Variants in KCNMA1 observed in about 807,000 individuals in gnomAD.
KCNMA1 encodes Calcium-activated potassium channel subunit alpha-1.
KCNMA1 carries 29 observed loss-of-function variants against 140.0 expected under a neutral mutation model. The ratio of observed to expected loss-of-function variants is 0.21; its 90% CI spans 0.15 to 0.28. The LOEUF (loss-of-function observed/expected upper bound fraction) is 0.28, where lower values mean the gene tolerates loss of function less well. Among genes scored for constraint, KCNMA1 ranks in the 10% least tolerant of loss-of-function variants. The pLI is 1.00. For missense variants in KCNMA1, 880 were observed against 1,602.2 expected, an observed-to-expected ratio of 0.55 and a Z score of 7.70; for synonymous variants, 612 against 611.9, an observed-to-expected ratio of 1.00 and a Z score of 0.00.
intron 23 of KCNMA1, among the ~76,000 whole-genome samples, chr10:76,943,652 C>G (rs763092956): frequency 2.6e-5 from 4 of 152,206 alleles, no homozygotes; most frequent in African/African-American, 4.8e-5. Flanking sequence ...CCATCTCCCA[C>G]CAGCTGACTC....
chr10:77,127,980 ATTAAAAAT>A (rs966310018), intron 5 of KCNMA1, among the ~76,000 whole-genome samples: 1 of 152,146 alleles, frequency 6.6e-6, no homozygotes, highest in African/African-American at 2.4e-5. Context: ...TCTCAAAAAA[ATTAAAAAT>A]TTAAAAATTA....
intron 2 of KCNMA1, among the ~76,000 whole-genome samples, chr10:77,258,330 T>C (rs2061248144): frequency 6.6e-6 from 1 of 152,158 alleles, no homozygotes; most frequent in African/African-American, 2.4e-5. Context: ...GATTCATAGT[T>C]TGTGTTTCCA....
At chr10:77,598,879 C>G (rs1323599771) in intron 1 of KCNMA1, among the ~76,000 whole-genome samples, 1 of 152,240 alleles carries the variant, frequency 6.6e-6, no homozygotes, top group Non-Finnish European at 1.5e-5. Flanking sequence ...CCCAGCTCAG[C>G]TGGTACTAGA....
chr10:77,557,806 T>C (rs924307832), intron 1 of KCNMA1, among the ~76,000 whole-genome samples: 1 of 152,040 alleles, frequency 6.6e-6, no homozygotes, highest in Non-Finnish European at 1.5e-5. Context: ...CCCGCCACCA[T>C]ACCTGGCTAA....
chr10:77,012,118 G>T (rs997391724), intron 17 of KCNMA1, 75 bp from the exon 18 acceptor site: 6 of 1,608,886 alleles, frequency 3.7e-6, no homozygotes, highest in Non-Finnish European at 5.1e-6. Flanking sequence ...TTTCCTCCAC[G>T]GTGGTGCCAA....
chr10:77,506,504 AAGAG>A (rs1386720791), intron 1 of KCNMA1, among the ~76,000 whole-genome samples: 1 of 150,086 alleles, frequency 6.7e-6, no homozygotes, highest in African/African-American at 2.5e-5. Flanking sequence ...CAGAGAGAGA[AAGAG>A]AGAGAGAGAG....
At chr10:77,165,625 C>T (rs536984313) in intron 5 of KCNMA1, among the ~76,000 whole-genome samples, 8 of 152,158 alleles carry the variant, frequency 5.3e-5, no homozygotes, top group Non-Finnish European at 1.2e-4. Context: ...GGGCTGACTT[C>T]CTCCTCTTAA....
intron 1 of KCNMA1, among the ~76,000 whole-genome samples, chr10:77,570,581 C>G (rs1459272468): frequency 3.2e-5 from 1 of 30,934 alleles, no homozygotes; most frequent in Non-Finnish European, 6.0e-5. Flanking sequence ...ACTCTGGGGA[C>G]TGTTGTGGGG....
chr10:77,060,443 T>C (rs1350506699), intron 14 of KCNMA1, among the ~76,000 whole-genome samples: 3 of 152,212 alleles, frequency 2.0e-5, no homozygotes, highest in Admixed American at 6.5e-5. Context: ...CTATAGCCAT[T>C]ATCCTATGGC....
Position 77,436,793 on chromosome 10 carries a change from A to C in KCNMA1, c.379-32770T>G, listed in dbSNP as rs535356422. Among the ~76,000 whole-genome samples the C allele has an allele frequency of 2.6e-5, 4 of 152,370 alleles. No individual in the cohort carries two copies. In the South Asian group the frequency reaches 8.3e-4, roughly 32 times the overall value. Reference sequence around the variant, plus strand: ...GTGCAATAACTATTTATTGACATGAATATACATAAATGCTAAGAATGCCAT... The same window carrying C: ...GTGCAATAACTATTTATTGACATGACTATACATAAATGCTAAGAATGCCAT... On this transcript the variant is annotated intron_variant, in intron 1 of 27. Coordinates refer to ENST00000286628, the MANE Select transcript of KCNMA1 (RefSeq NM_001161352.2).
At chr10:77,439,991 G>A (rs915330871) in intron 1 of KCNMA1, among the ~76,000 whole-genome samples, 1 of 152,198 alleles carries the variant, frequency 6.6e-6, no homozygotes, top group Admixed American at 6.5e-5. Context: ...CTGCAAGAGG[G>A]CTGCCTATGA....
chr10:77,390,273 C>A (rs2095767374), intron 2 of KCNMA1, among the ~76,000 whole-genome samples: 1 of 152,222 alleles, frequency 6.6e-6, no homozygotes, highest in African/African-American at 2.4e-5. Context: ...CTGCTGATTG[C>A]AGCTCCTCAG....
chr10:76,925,887 C>T (rs1162047614), intron 23 of KCNMA1, among the ~76,000 whole-genome samples: 1 of 152,176 alleles, frequency 6.6e-6, no homozygotes, highest in African/African-American at 2.4e-5. Flanking sequence ...CAAGGCCTTG[C>T]CATGAAATTC....
rs767673552 is a variant in KCNMA1 at position 77,382,865 on chromosome 10, C to CAAA, written c.540+20994_540+20996dup. 5.7e-3 allele frequency among the ~76,000 whole-genome samples: 271 copies of CAAA among 47,528 alleles called. 4 individuals carry two copies. The highest frequency in any genetic ancestry group is 7.6e-3 in the South Asian group (5 of 662). The allele number at this position is 47,528 out of a possible 152,430, so 31.2% of individuals were successfully genotyped here. ...GGGAGACAAGAGCAAAGCTCCGTCTCAAAAAAAAAAAAAAAAAAAAATATA... is the reference window on the plus strand; with the variant it reads ...GGGAGACAAGAGCAAAGCTCCGTCTCAAAAAAAAAAAAAAAAAAAAAAAATATA... On this transcript the variant is annotated intron_variant, in intron 2 of 27. Transcript: ENST00000286628.
intron 23 of KCNMA1, among the ~76,000 whole-genome samples, chr10:76,926,396 TTAA>T (rs372283888): frequency 2.6e-5 from 4 of 152,078 alleles, no homozygotes; most frequent in Admixed American, 2.6e-4. Context: ...ATTGAATGAG[TTAA>T]TAATAATAAT....
intron 12 of KCNMA1, among the ~76,000 whole-genome samples, chr10:77,080,782 A>G (rs918235431): frequency 6.6e-6 from 1 of 152,120 alleles, no homozygotes; most frequent in Non-Finnish European, 1.5e-5. Context: ...CCCAGAAACA[A>G]TCTGCTGAGT....
At chr10:77,144,377 C>T (rs528400283) in intron 5 of KCNMA1, among the ~76,000 whole-genome samples, 1 of 152,244 alleles carries the variant, frequency 6.6e-6, no homozygotes, top group East Asian at 1.9e-4. Context: ...CAAGACTAAT[C>T]TATAGTGATT....
chr10:77,361,247 C>T (rs140500089), intron 2 of KCNMA1, among the ~76,000 whole-genome samples: 1 of 152,334 alleles, frequency 6.6e-6, no homozygotes, highest in Non-Finnish European at 1.5e-5. Flanking sequence ...TCATGATCGT[C>T]ATCGTCATCA....
At chr10:76,949,521 C>T (rs999651632) in intron 21 of KCNMA1, 155 bp from the exon 22 acceptor site, 3 of 689,550 alleles carry the variant, frequency 4.4e-6, no homozygotes, top group Non-Finnish European at 7.8e-6. Context: ...ATATACATGC[C>T]ATATAGAGCT....
Sources: gnomAD v4.1 joint callset for allele counts (sites outside exome capture counted in the v4.1 genomes callset) on GRCh38, gnomAD v4.1.1 for gene constraint, MANE v1.5 for transcripts, NCBI Gene and HGNC (gene_info 2026-07-23, HGNC 2026-07-21) for gene names.